Variants in C8orf34 observed in about 807,000 individuals in gnomAD.
C8orf34 encodes the protein chromosome 8 open reading frame 34.
A neutral mutation model predicts 68.3 loss-of-function variants in C8orf34; 65 were observed. The observed-to-expected ratio is 0.95, with a 90% CI of 0.78 to 1.17. The LOEUF (loss-of-function observed/expected upper bound fraction) is 1.17, where lower values mean the gene tolerates loss of function less well. Ranked by LOEUF, C8orf34 falls within the 50% of genes most tolerant of loss-of-function variation. The probability of loss-of-function intolerance (pLI) is 0.00; values close to 1 mark genes in which losing one functional copy is unlikely to be tolerated. For missense variants in C8orf34, 664 were observed against 655.4 expected, an observed-to-expected ratio of 1.01 and a Z score of -0.14; for synonymous variants, 244 against 241.2, an observed-to-expected ratio of 1.01 and a Z score of -0.11.
intron 8 of C8orf34, among the ~76,000 whole-genome samples, chr8:68,660,565 G>T (rs1819641663): frequency 6.6e-6 from 1 of 152,166 alleles, no homozygotes; most frequent in East Asian, 1.9e-4. Flanking sequence ...GTAATGGGGG[G>T]AGGGCTAATT....
chr8:68,507,156 T>C (rs1466137987), intron 5 of C8orf34, among the ~76,000 whole-genome samples: 1 of 152,364 alleles, frequency 6.6e-6, no homozygotes, highest in Non-Finnish European at 1.5e-5. Flanking sequence ...AAATTTTTAT[T>C]GAATTGATTC....
chr8:68,628,945 C>G (rs964101149), intron 7 of C8orf34, among the ~76,000 whole-genome samples: 3 of 151,932 alleles, frequency 2.0e-5, no homozygotes, highest in African/African-American at 7.3e-5. Context: ...TATCTTTGGT[C>G]ATAAATTGGT....
intron 2 of C8orf34, among the ~76,000 whole-genome samples, chr8:68,443,946 A>AT (rs113031373): frequency 3.3e-5 from 5 of 151,544 alleles, no homozygotes; most frequent in East Asian, 1.9e-4. Flanking sequence ...ATACTTATGA[A>AT]TTTTTTTTTA....
chr8:68,768,495 T>C (rs530565229), intron 10 of C8orf34, among the ~76,000 whole-genome samples: 1 of 152,334 alleles, frequency 6.6e-6, no homozygotes, highest in East Asian at 1.9e-4. Flanking sequence ...AAGACTTTCA[T>C]TTAACCTCGT....
At chr8:68,723,876 C>T (rs1053174070) in intron 10 of C8orf34, among the ~76,000 whole-genome samples, 9 of 152,146 alleles carry the variant, frequency 5.9e-5, no homozygotes, top group African/African-American at 2.2e-4. Flanking sequence ...GAGATCTTTG[C>T]TTTTTTCCAC....
At chr8:68,705,542 A>T (rs1821138102) in intron 8 of C8orf34, among the ~76,000 whole-genome samples, 1 of 152,170 alleles carries the variant, frequency 6.6e-6, no homozygotes, top group Non-Finnish European at 1.5e-5. Flanking sequence ...TCATACAGTC[A>T]GCATAAGCTG....
chr8:68,593,979 CT>C (rs1345216704), intron 7 of C8orf34, among the ~76,000 whole-genome samples: 2 of 151,964 alleles, frequency 1.3e-5, no homozygotes, highest in Admixed American at 1.3e-4. Context: ...CCCAAATGTT[CT>C]TTTTAAGGTA....
At chr8:68,562,759 G>C (rs930293682) in intron 7 of C8orf34, among the ~76,000 whole-genome samples, 3 of 152,150 alleles carry the variant, frequency 2.0e-5, no homozygotes, top group Non-Finnish European at 2.9e-5. Context: ...ACATGTACAG[G>C]CACCTGTCTC....
chr8:68,749,792 G>A (rs1822647150), intron 10 of C8orf34, among the ~76,000 whole-genome samples: 1 of 152,122 alleles, frequency 6.6e-6, no homozygotes, highest in African/African-American at 2.4e-5. Flanking sequence ...TGTTACATAG[G>A]AAAAAGTAGT....
intron 1 of C8orf34, among the ~76,000 whole-genome samples, chr8:68,346,156 T>C (rs1473545906): frequency 6.6e-6 from 1 of 152,128 alleles, no homozygotes; most frequent in Non-Finnish European, 1.5e-5. Context: ...GTATTCTTTC[T>C]TAGTTGATTG....
At chr8:68,720,889 A>G (rs537794808) in intron 9 of C8orf34, among the ~76,000 whole-genome samples, 2 of 152,032 alleles carry the variant, frequency 1.3e-5, no homozygotes, top group South Asian at 4.1e-4. Context: ...ACCAATCACC[A>G]TTTAATAATA....
At chr8:68,800,803 G>A (rs1445226528) in intron 12 of C8orf34, among the ~76,000 whole-genome samples, 1 of 152,122 alleles carries the variant, frequency 6.6e-6, no homozygotes, top group Non-Finnish European at 1.5e-5. Flanking sequence ...GTTGATAAGA[G>A]GTCAGAAATA....
At chr8:68,476,461 A>G (rs1812621209) in intron 4 of C8orf34, among the ~76,000 whole-genome samples, 2 of 152,200 alleles carry the variant, frequency 1.3e-5, no homozygotes, top group East Asian at 3.9e-4. Flanking sequence ...GATGTATTTC[A>G]AAGAAAGAGG....
At chr8:68,533,446 T>C in intron 7 of C8orf34, 1 of 1,058,594 alleles carries the variant, frequency 9.4e-7, no homozygotes, top group Non-Finnish European at 1.1e-6. Flanking sequence ...AATTCAAGTC[T>C]GTCTGCTTTA....
At chr8:68,408,387 A>G (rs1809294373) in intron 1 of C8orf34, among the ~76,000 whole-genome samples, 1 of 152,016 alleles carries the variant, frequency 6.6e-6, no homozygotes, top group Non-Finnish European at 1.5e-5. Flanking sequence ...AATCATCCTG[A>G]AACCATCCCC....
intron 1 of C8orf34, among the ~76,000 whole-genome samples, chr8:68,388,136 A>C (rs911577987): frequency 1.3e-5 from 2 of 152,196 alleles, no homozygotes; most frequent in African/African-American, 4.8e-5. Context: ...TTTTGGTCTT[A>C]TTCCAGATAA....
chr8:68,396,927 C>A (rs1428669164), intron 1 of C8orf34, among the ~76,000 whole-genome samples: 1 of 151,902 alleles, frequency 6.6e-6, no homozygotes, highest in African/African-American at 2.4e-5. Context: ...AAATACCCAG[C>A]TTCATGTATT....
At chr8:68,729,287 G>T (rs1821916589) in intron 10 of C8orf34, among the ~76,000 whole-genome samples, 1 of 152,214 alleles carries the variant, frequency 6.6e-6, no homozygotes, top group Non-Finnish European at 1.5e-5. Flanking sequence ...TTAATTAGCA[G>T]AGTGGAATCC....
At chr8:68,356,644 AT>A (rs1280428132) in intron 1 of C8orf34, among the ~76,000 whole-genome samples, 5 of 152,162 alleles carry the variant, frequency 3.3e-5, no homozygotes, top group Admixed American at 6.6e-5. Context: ...AAGTATGTGA[AT>A]TGGATAAGGT....
Sources: allele counts gnomAD v4.1 joint callset (sites outside exome capture counted in the v4.1 genomes callset), GRCh38; gene constraint gnomAD v4.1.1; transcripts MANE v1.5; gene names NCBI Gene and HGNC (gene_info 2026-07-23, HGNC 2026-07-21).